Variants in ENPP1 observed in about 807,000 individuals in gnomAD.
The protein encoded by ENPP1 is ectonucleotide pyrophosphatase/phosphodiesterase 1, also known as ectonucleotide pyrophosphatase/phosphodiesterase family member 1.
A neutral mutation model predicts 122.8 loss-of-function variants in ENPP1; 73 were observed. That is an observed-to-expected ratio of 0.59 (90% CI 0.49 to 0.72). The LOEUF is 0.72. Ranked by LOEUF, ENPP1 falls within the 30% of genes least tolerant of loss-of-function variation. ENPP1 has a pLI of 0.00. For synonymous variants in ENPP1, 367 were observed against 391.6 expected (o/e 0.94, Z 0.74); for missense variants, 978 against 1,128.1 (o/e 0.87, Z 1.91).
intron 1 of ENPP1, chr6:131,827,945 T>A: frequency 1.1e-6 from 1 of 945,146 alleles, no homozygotes; most frequent in Non-Finnish European, 1.7e-6. Context: ...TCGAAGCACT[T>A]ATAAAGGATG....
At chr6:131,847,736 TA>T (rs1554278181) in intron 1 of ENPP1, 39 bp from the exon 2 acceptor site, 1 of 1,393,168 alleles carries the variant, frequency 7.2e-7, no homozygotes, top group Non-Finnish European at 1.0e-6. Flanking sequence ...AAATATTTTT[TA>T]AAAAAGAAAC....
At chr6:131,809,159 G>A (rs1323633673) in intron 1 of ENPP1, among the ~76,000 whole-genome samples, 1 of 152,194 alleles carries the variant, frequency 6.6e-6, no homozygotes, top group Non-Finnish European at 1.5e-5. Flanking sequence ...GCTGAAGAAT[G>A]TAGGTAGGGA....
At chr6:131,859,427 C>A (rs995877437) in intron 7 of ENPP1, among the ~76,000 whole-genome samples, 2 of 151,126 alleles carry the variant, frequency 1.3e-5, no homozygotes, top group Admixed American at 6.6e-5. Context: ...TGTGCTGTTG[C>A]CAGACTGGAG....
At chr6:131,865,717 G>A (rs928056104) in intron 11 of ENPP1, among the ~76,000 whole-genome samples, 37 of 152,190 alleles carry the variant, frequency 2.4e-4, no homozygotes, top group African/African-American at 7.5e-4. Flanking sequence ...CTGAAGGCTC[G>A]GCACCATGGC....
rs2114720033 is a variant in ENPP1, at chr6:131,877,100, T to C, written c.1832T>C (p.Leu611Pro). Residue 611 changes from leucine (L) to proline (P), a missense_variant, in exon 18 of 25, where the codon CTG becomes CCG. Leu to Pro is a moderately conservative substitution (Grantham distance 98). Transcript: ENST00000647893. ...TPKHPKEVHP[L>P]VQCPFTRNPR... ...AAGCATCCCAAAGAAGTGCACCCCC[T>C]GGTACAGTGCCCCTTCACAAGAAAC... is the stretch of plus-strand genomic sequence containing the variant. 1 of 1,614,062 alleles carries C rather than the reference T, an allele frequency of 6.2e-7. No homozygotes were observed. Among genetic ancestry groups the C allele is most frequent in the South Asian group, 1.1e-5 (1 of 91,080 alleles).
intron 1 of ENPP1, chr6:131,826,846 T>C (rs555345149): frequency 3.7e-5 from 14 of 377,578 alleles, no homozygotes; most frequent in Non-Finnish European, 6.0e-5. Flanking sequence ...CCTCCCTGTG[T>C]GGGGCAGAAA....
intron 1 of ENPP1, chr6:131,828,108 A>G (rs1171573477): frequency 2.5e-5 from 15 of 607,270 alleles, no homozygotes; most frequent in Admixed American, 7.5e-5. Flanking sequence ...GCGTTGATGT[A>G]GGAGTCCTGC....
At chr6:131,877,358 CTA>C (rs1782243682) in intron 18 of ENPP1, 197 bp downstream of exon 18, 2 of 627,706 alleles carry the variant, frequency 3.2e-6, no homozygotes, top group Non-Finnish European at 5.6e-6. Context: ...ATTTTCCACT[CTA>C]TTTTTAATTC....
At chr6:131,834,380 C>T (rs996958657) in intron 1 of ENPP1, among the ~76,000 whole-genome samples, 1 of 152,162 alleles carries the variant, frequency 6.6e-6, no homozygotes, top group African/African-American at 2.4e-5. Flanking sequence ...GGGCCTGCTG[C>T]AGGTGAGTTT....
intron 7 of ENPP1, 145 bp downstream of exon 7, chr6:131,858,892 C>A: frequency 1.4e-6 from 1 of 700,484 alleles, no homozygotes; most frequent in South Asian, 1.6e-5. Context: ...CTGATCTTTG[C>A]TCTGCCACAA....
In ENPP1 at chr6:131,886,648, C is replaced by T. The variant is rs202179867; in HGVS notation, c.2531C>T (p.Thr844Met). 91 of 1,613,668 alleles carry T rather than the reference C, an allele frequency of 5.6e-5. 1 individual carries two copies. Among genetic ancestry groups the T allele is most frequent in the Admixed American group, 2.3e-4 (14 of 60,010 alleles). ...ACAAGCTGTAAAGATACATCTCAGA[C>T]GCCTTTGCACTGTGAAAACCTAGAC... ...VLTSCKDTSQ[T>M]PLHCENLDTL... The change falls in exon 24 of 25, where the codon ACG becomes ATG. Residue 844 changes from threonine (T) to methionine (M), a missense_variant. Thr to Met is a moderately conservative substitution (Grantham distance 81). Transcript: ENST00000647893.
chr6:131,814,486 G>A lies in ENPP1; in HGVS notation c.240+6211G>A, dbSNP rs188118976. 6.7e-3 allele frequency among the ~76,000 whole-genome samples: 1,021 copies of A among 152,302 alleles called. 24 individuals are homozygous for A. Among genetic ancestry groups the A allele is most frequent in the Admixed American group, 0.024 (360 of 15,304 alleles). ...TTGAGGAATACAACCCAGGAGCATA[G>A]ATTCAAGTTGCCCTGAGTATATGCT... On this transcript the variant is annotated intron_variant, in intron 1 of 24. Transcript: ENST00000647893.
rs756270471 is a variant in ENPP1 at position 131,869,365 on chromosome 6, A to G, written c.1281A>G (p.Glu427=). ...NLILISDHGM[E]QGSCKKYIYL... is the part of the protein sequence containing the mutation. ...ATTTTTTTTTTCTCCTAGGCATGGA[A>G]CAAGGCAGTTGTAAGAAATACATAT... The change falls in exon 13 of 25, where the codon GAA becomes GAG. Residue 427 remains glutamate, a synonymous_variant. Coordinates refer to ENST00000647893, the MANE Select transcript of ENPP1 (RefSeq NM_006208.3). 5 of 1,613,474 alleles carry G rather than the reference A, an allele frequency of 3.1e-6. No homozygotes were observed. The highest frequency in any genetic ancestry group is 4.2e-6 in the Non-Finnish European group (5 of 1,179,596).
intron 22 of ENPP1, among the ~76,000 whole-genome samples, chr6:131,884,270 A>G (rs150182999): frequency 6.6e-6 from 1 of 152,336 alleles, no homozygotes; most frequent in East Asian, 1.9e-4. Context: ...TGAATATTTC[A>G]AAGTTAATAT....
intron 9 of ENPP1, 101 bp downstream of exon 9, chr6:131,861,805 T>C (rs1459141660): frequency 8.1e-6 from 6 of 741,158 alleles, no homozygotes; most frequent in Admixed American, 4.1e-5. Context: ...TTGAGTGATA[T>C]GTTGGCTGAA....
intron 6 of ENPP1, 59 bp downstream of exon 6, chr6:131,855,082 A>C: frequency 8.1e-7 from 1 of 1,232,760 alleles, no homozygotes; most frequent in East Asian, 2.3e-5. Context: ...TTGACTAGGC[A>C]GGCAGTCTTT....
At chr6:131,843,242 GTAGA>G (rs888531509) in intron 1 of ENPP1, among the ~76,000 whole-genome samples, 12 of 152,232 alleles carry the variant, frequency 7.9e-5, no homozygotes, top group African/African-American at 2.9e-4. Flanking sequence ...TAACAAAGTA[GTAGA>G]TATTCTAAAT....
Position 131,883,791 on chromosome 6 carries a change from C to A in ENPP1, c.2311+17C>A, listed in dbSNP as rs753269880. ...GTTTTCAAGGTAAATAATGTTAACT[C>A]TATATTTGATAATTTTAATGAATTT... On this transcript the variant is annotated intron_variant, in intron 22 of 24. Coordinates refer to ENST00000647893, the MANE Select transcript of ENPP1 (RefSeq NM_006208.3). 3 of 1,223,372 alleles carry A rather than the reference C, an allele frequency of 2.5e-6. No homozygotes were observed. Among genetic ancestry groups the A allele is most frequent in the South Asian group, 1.2e-5 (1 of 82,284 alleles). 75.8% of individuals were successfully genotyped at this position (1,223,372 alleles called of 1,614,324 possible). A position where few individuals can be genotyped will look rare whatever the true frequency, so the allele number is the denominator to read the frequency against.
chr6:131,811,388 C>CTATATCTATATCTA (rs1781351054), intron 1 of ENPP1, among the ~76,000 whole-genome samples: 2 of 132,960 alleles, frequency 1.5e-5, no homozygotes, highest in African/African-American at 7.0e-5. Flanking sequence ...ATATCTATAT[C>CTATATCTATATCTA]TATATCTATA....
Sources: gnomAD v4.1 joint callset for allele counts (sites outside exome capture counted in the v4.1 genomes callset) on GRCh38, gnomAD v4.1.1 for gene constraint, MANE v1.5 for transcripts, NCBI Gene and HGNC (gene_info 2026-07-23, HGNC 2026-07-21) for gene names.